The following PRPF8 variants were observed in gnomAD, a reference collection of about 807,000 sequenced individuals.
The protein encoded by PRPF8 is pre-mRNA-processing-splicing factor 8.
Under a neutral mutation model 285.9 loss-of-function variants are expected in PRPF8, and 64 were observed. That is an observed-to-expected ratio of 0.22 (90% CI 0.18 to 0.28). The LOEUF is 0.28. Among genes scored for constraint, PRPF8 ranks in the 10% least tolerant of loss-of-function variants. The pLI is 1.00. For synonymous variants in PRPF8, 1,325 were observed against 1,118.2 expected, an observed-to-expected ratio of 1.18 and a Z score of -3.69; for missense variants, 1,426 against 3,026.7, an observed-to-expected ratio of 0.47 and a Z score of 12.41.
Position 1,676,050 on chromosome 17 carries a change from T to G in PRPF8, c.2557A>C (p.Lys853Gln). ...CTCTGAGACTGGTTCAACCGAGACT[T>G]CACACTGACAAAAGCAATGGGAAGG... Reference protein sequence around the residue: ...LERLKEAYSVKSRLNQSQREE... With the variant: ...LERLKEAYSVQSRLNQSQREE... The change falls in exon 18 of 43, where the codon AAG (lysine) becomes CAG (glutamine). Residue 853 changes from lysine (K) to glutamine (Q), a missense_variant. Lys to Gln is a moderately conservative substitution (Grantham distance 53). Coordinates refer to ENST00000304992, the MANE Select transcript of PRPF8 (RefSeq NM_006445.4). The surrounding 1 kb of genome is among the most constrained non-coding windows in gnomAD (Gnocchi z 6.3). The G allele has an allele frequency of 6.2e-7, 1 of 1,612,796 alleles. No individual in the cohort carries two copies. The highest frequency in any genetic ancestry group is 8.5e-7 in the Non-Finnish European group (1 of 1,179,920).
rs1460778869 is a variant in PRPF8 at position 1,679,500 on chromosome 17, T to C, written c.1290-90A>G. On this transcript the variant is annotated intron_variant, in intron 9 of 42. Transcript: ENST00000304992. The surrounding 1 kb of genome is among the most constrained non-coding windows in gnomAD (Gnocchi z 4.7). ...AGCCTTGGGTTGTCTACCATTTTTA[T>C]GGGAAAAAAAAAAAAAGAATTTAAA... The C allele has an allele frequency of 3.8e-6, 6 of 1,567,056 alleles. No homozygotes were observed. The highest frequency in any genetic ancestry group is 2.3e-4 in the Middle Eastern group (1 of 4,264).
chr17:1,668,271 G>A (rs144387161), intron 24 of PRPF8, among the ~76,000 whole-genome samples: 178 of 151,682 alleles, frequency 1.2e-3, no homozygotes, highest in Middle Eastern at 3.5e-3. Context: ...GTTCCCTGAT[G>A]CCTACAATTC....
intron 3 of PRPF8, chr17:1,682,978 T>C (rs77427361): frequency 0.022 from 4,173 of 188,832 alleles, 66 homozygotes; most frequent in Middle Eastern, 0.034. Context: ...AGCTCAACCA[T>C]AGGGACATCT....
In PRPF8 at chr17:1,675,578, T is replaced by A; in HGVS notation, c.2872+42A>T. 6.2e-7 allele frequency: 1 copy of A among 1,611,710 alleles called. No homozygotes were observed. Among genetic ancestry groups the A allele is most frequent in the Non-Finnish European group, 8.5e-7 (1 of 1,177,988 alleles). Reference sequence around the variant, plus strand: ...TGAGATTTTTGACGTAGAACTAAATTCCTGCCCCGTTCCTCACAGGGCGAT... The same window carrying A: ...TGAGATTTTTGACGTAGAACTAAATACCTGCCCCGTTCCTCACAGGGCGAT... On this transcript the variant is annotated intron_variant, in intron 19 of 42. Transcript: ENST00000304992. The surrounding 1 kb of genome is among the most constrained non-coding windows in gnomAD (Gnocchi z 6.0).
intron 28 of PRPF8, 38 bp from the exon 29 acceptor site, chr17:1,660,865 C>G (rs750424660): frequency 1.2e-6 from 2 of 1,613,134 alleles, no homozygotes; most frequent in African/African-American, 2.7e-5. Flanking sequence ...GATATCCTGC[C>G]ATTTCCCAGC....
At position 1,679,486 on chromosome 17, in the gene PRPF8, G is replaced by C. The variant is rs996912056; in HGVS notation, c.1290-76C>G. On this transcript the variant is annotated intron_variant, in intron 9 of 42. Coordinates refer to ENST00000304992, the MANE Select transcript of PRPF8 (RefSeq NM_006445.4). The surrounding 1 kb of genome is among the most constrained non-coding windows in gnomAD (Gnocchi z 4.7). Reference sequence around the variant, plus strand: ...TGCTAAAGGCTGCAAGCCTTGGGTTGTCTACCATTTTTATGGGAAAAAAAA... The same window carrying C: ...TGCTAAAGGCTGCAAGCCTTGGGTTCTCTACCATTTTTATGGGAAAAAAAA... The C allele has an allele frequency of 2.5e-6, 4 of 1,594,212 alleles. No individual in the cohort carries two copies. In the African/African-American group the frequency reaches 5.5e-5, roughly 22 times the overall value.
chr17:1,659,590 A>G lies in PRPF8; in HGVS notation c.4947-42T>C. The stretch of plus-strand genomic sequence containing the variant: ...TTCAAGCTTCTAAGAAACCATGGGC[A>G]TAACCAATGTCCCCAGAACCAGAAC... On this transcript the variant is annotated intron_variant, in intron 31 of 42. Coordinates refer to ENST00000304992, the MANE Select transcript of PRPF8 (RefSeq NM_006445.4). This position sits in a 1 kb window ranked among gnomAD's most constrained non-coding sequence, Gnocchi z 5.1. 2 of 1,608,254 alleles carry G rather than the reference A, an allele frequency of 1.2e-6. No homozygotes were observed. Among genetic ancestry groups the G allele is most frequent in the African/African-American group, 1.3e-5 (1 of 74,846 alleles).
chr17:1,674,850 C>G lies in PRPF8; in HGVS notation c.3061-170G>C, dbSNP rs1912528456. Among the ~76,000 whole-genome samples the G allele has an allele frequency of 3.3e-5, 5 of 152,262 alleles. No individual in the cohort carries two copies. In the South Asian group the frequency reaches 1.0e-3, roughly 32 times the overall value. The stretch of plus-strand genomic sequence containing the variant: ...GCACTGGCGCAATCTCAGCTCACTG[C>G]AACCTCCACTTCCCGGGTTCAAGTG... On this transcript the variant is annotated intron_variant, in intron 20 of 42. Transcript: ENST00000304992.
In PRPF8 at chr17:1,658,198, C is replaced by G. The variant is rs1316219039; in HGVS notation, c.5505+55G>C. ...ACCAGTAAATATTACCAAGTCCACC[C>G]CAAGAATAAGAGGCAACATGGTTCT... is the stretch of plus-strand genomic sequence containing the variant. On this transcript the variant is annotated intron_variant, in intron 34 of 42. Coordinates refer to ENST00000304992, the MANE Select transcript of PRPF8 (RefSeq NM_006445.4). This position sits in a 1 kb window ranked among gnomAD's most constrained non-coding sequence, Gnocchi z 4.1. The G allele has an allele frequency of 3.8e-5, 62 of 1,612,704 alleles. No individual in the cohort carries two copies. The highest frequency in any genetic ancestry group is 5.2e-5 in the Non-Finnish European group (61 of 1,179,794).
chr17:1,682,393 T>G, intron 3 of PRPF8, 100 bp from the exon 4 acceptor site: 6 of 1,469,082 alleles, frequency 4.1e-6, no homozygotes, highest in Non-Finnish European at 5.7e-6. Context: ...CAGTCCTACC[T>G]TACAATCCAA....
chr17:1,678,960 G>C (rs933658972), intron 11 of PRPF8, 57 bp downstream of exon 11: 74 of 1,613,522 alleles, frequency 4.6e-5, no homozygotes, highest in Admixed American at 1.0e-4. Context: ...AGTAACCAGA[G>C]GAAAACAACT....
chr17:1,651,714 C>T lies in PRPF8; in HGVS notation c.6444G>A (p.Val2148=), dbSNP rs150202804. ...QVKEIRCIVM[V]PQWGTHQTVH... The stretch of plus-strand genomic sequence containing the variant: ...CGGTCTGGTGAGTGCCCCACTGCGG[C>T]ACCATCACAATGCAGCGGATCTCCT... The change falls in exon 40 of 43, where the codon GTG becomes GTA. Residue 2148 remains valine, a synonymous_variant. Coordinates refer to ENST00000304992, the MANE Select transcript of PRPF8 (RefSeq NM_006445.4). The surrounding 1 kb of genome is among the most constrained non-coding windows in gnomAD (Gnocchi z 5.1). The T allele has an allele frequency of 8.1e-6, 13 of 1,614,186 alleles. No homozygotes were observed. The highest frequency in any genetic ancestry group is 3.3e-5 in the South Asian group (3 of 91,092).
chr17:1,668,368 T>G lies in PRPF8; in HGVS notation c.3774+4713A>C, dbSNP rs934868493. Among the ~76,000 whole-genome samples the G allele has an allele frequency of 4.7e-4, 69 of 145,644 alleles. 1 individual carries two copies. The highest frequency in any genetic ancestry group is 1.6e-3 in the African/African-American group (63 of 39,902). On this transcript the variant is annotated intron_variant, in intron 24 of 42. Coordinates refer to ENST00000304992, the MANE Select transcript of PRPF8 (RefSeq NM_006445.4). ...GGTCTAGCATTCTTTTTTTTTTTTT[T>G]TTTTTTTTTTTGAGACAGAGTCTTG...
In PRPF8 at chr17:1,679,008, T is replaced by C. The variant is rs747243298; in HGVS notation, c.1599+9A>G. On this transcript the variant is annotated intron_variant, in intron 11 of 42. Transcript: ENST00000304992. The surrounding 1 kb of genome is among the most constrained non-coding windows in gnomAD (Gnocchi z 4.7). ...AGCCCAGGAGGCCCCTAGGGTCCAA[T>C]GCAGGCACCTTGGTGGTGAGCGTTT... 15 of 1,614,082 alleles carry C rather than the reference T, an allele frequency of 9.3e-6. No individual in the cohort carries two copies. Among genetic ancestry groups the C allele is most frequent in the East Asian group, 2.2e-5 (1 of 44,880 alleles).
intron 37 of PRPF8, 60 bp downstream of exon 37, chr17:1,655,289 CA>C: frequency 1.3e-6 from 2 of 1,594,824 alleles, no homozygotes. Context: ...TAAGTGCTTC[CA>C]AAAAACCCCA....
chr17:1,652,415 A>G (rs1911129465), intron 39 of PRPF8, among the ~76,000 whole-genome samples: 1 of 148,640 alleles, frequency 6.7e-6, no homozygotes, highest in African/African-American at 2.6e-5. Flanking sequence ...ATTTTCATAT[A>G]TTTAAGAGAG....
chr17:1,660,436 C>A lies in PRPF8; in HGVS notation c.4781G>T (p.Cys1594Phe), dbSNP rs770896496. The A allele has an allele frequency of 6.2e-7, 1 of 1,614,126 alleles. No individual in the cohort carries two copies. The highest frequency in any genetic ancestry group is 8.5e-7 in the Non-Finnish European group (1 of 1,180,026). The part of the protein sequence containing the change: ...KIHESIVMDL[C>F]QVFDQELDAL... ...CTCCCCTCGATTCCAGCCCACCTGA[C>A]ATAAGTCCATAACAATGCTCTCATG... is the stretch of plus-strand genomic sequence containing the variant. The change falls in exon 30 of 43, where the codon TGT becomes TTT. Residue 1594 changes from cysteine (C) to phenylalanine (F), a missense_variant. Physicochemically the swap from Cys to Phe is radical, Grantham distance 205. Coordinates refer to ENST00000304992, the MANE Select transcript of PRPF8 (RefSeq NM_006445.4).
Position 1,677,033 on chromosome 17 carries a change from T to G in PRPF8, c.2124A>C (p.Thr708=), listed in dbSNP as rs770524757. The G allele has an allele frequency of 6.2e-7, 1 of 1,614,056 alleles. No homozygotes were observed. ...AGGCTTCACTGAGGTGCTGCAGGAT[T>G]GTCCGGGCCTTGTTCTGCTTGATCC... is the stretch of plus-strand genomic sequence containing the variant. The part of the protein sequence containing the change: ...PEGIKQNKAR[T]ILQHLSEAWR... The change falls in exon 15 of 43, where the codon ACA becomes ACC. Residue 708 remains threonine, a synonymous_variant. Coordinates refer to ENST00000304992, the MANE Select transcript of PRPF8 (RefSeq NM_006445.4).
rs537606216 is a variant in PRPF8, at chr17:1,669,255, C to T, written c.3774+3826G>A. 3.7e-3 allele frequency among the ~76,000 whole-genome samples: 558 copies of T among 152,196 alleles called. 1 individual carries two copies. Among genetic ancestry groups the T allele is most frequent in the South Asian group, 7.7e-3 (37 of 4,810 alleles). Reference sequence around the variant, plus strand: ...CCGAGTAGCTGAGATTACAGGCACCCGCCACCGCGCCTGGCTAATTTTTGT... The same window carrying T: ...CCGAGTAGCTGAGATTACAGGCACCTGCCACCGCGCCTGGCTAATTTTTGT... On this transcript the variant is annotated intron_variant, in intron 24 of 42. Coordinates refer to ENST00000304992, the MANE Select transcript of PRPF8 (RefSeq NM_006445.4).
Sources: gnomAD v4.1 joint callset for allele counts (sites outside exome capture counted in the v4.1 genomes callset) on GRCh38, gnomAD v4.1.1 for gene constraint, Gnocchi (gnomAD v3.1) non-coding constraint, MANE v1.5 for transcripts, NCBI Gene and HGNC (gene_info 2026-07-23, HGNC 2026-07-21) for gene names.